The following ABHD17C variants were observed in gnomAD, a reference collection of about 807,000 sequenced individuals.
ABHD17C encodes the protein abhydrolase domain containing 17C, depalmitoylase.
A neutral mutation model predicts 27.9 loss-of-function variants in ABHD17C; 11 were observed. The ratio of observed to expected loss-of-function variants is 0.39; its 90% CI spans 0.25 to 0.65. ABHD17C has a LOEUF of 0.65. Ranked by LOEUF, ABHD17C falls within the 30% of genes least tolerant of loss-of-function variation. The pLI is 0.45. For missense variants in ABHD17C, 280 were observed against 470.2 expected, an observed-to-expected ratio of 0.60 and a Z score of 3.74; for synonymous variants, 233 against 209.1, an observed-to-expected ratio of 1.11 and a Z score of -0.98.
intron 1 of ABHD17C, among the ~76,000 whole-genome samples, chr15:80,742,145 T>C (rs1193328761): frequency 6.6e-6 from 1 of 152,124 alleles, no homozygotes; most frequent in African/African-American, 2.4e-5. Flanking sequence ...TGTATATACA[T>C]ATATAAGAGG....
chr15:80,748,219 A>G (rs1895316566), intron 1 of ABHD17C, among the ~76,000 whole-genome samples: 1 of 152,190 alleles, frequency 6.6e-6, no homozygotes, highest in Non-Finnish European at 1.5e-5. Flanking sequence ...TGCCATTTCC[A>G]TCAGCTGTGG....
chr15:80,726,449 C>T (rs187244458), intron 1 of ABHD17C, among the ~76,000 whole-genome samples: 1 of 150,692 alleles, frequency 6.6e-6, no homozygotes, highest in South Asian at 2.1e-4. Flanking sequence ...GTTTTTTTCC[C>T]TCCAGTTTCA....
At chr15:80,699,699 G>A in intron 1 of ABHD17C, among the ~76,000 whole-genome samples, 1 of 152,220 alleles carries the variant, frequency 6.6e-6, no homozygotes, top group East Asian at 1.9e-4. Context: ...TGAGTATTAA[G>A]GTGGGCACGT....
rs1304179421 is a variant in ABHD17C at position 80,695,350 on chromosome 15, G to C, written c.-80G>C. The C allele has an allele frequency of 3.0e-6, 3 of 989,112 alleles. No individual in the cohort carries two copies. Among genetic ancestry groups the C allele is most frequent in the Admixed American group, 5.3e-5 (1 of 18,890 alleles). The allele number at this position is 989,112 out of a possible 1,614,324, so 61.3% of individuals were successfully genotyped here. On this transcript the variant is annotated 5_prime_UTR_variant, in exon 1 of 3. Transcript: ENST00000258884. This position sits in a 1 kb window ranked among gnomAD's most constrained non-coding sequence, Gnocchi z 4.3. ...TCCGCGCTCGCCTGCCAGCTCCCTC[G>C]CCGCGCGTCCGTCCTCCGTCCTCCC... is the stretch of plus-strand genomic sequence containing the variant.
chr15:80,695,744 C>A lies in ABHD17C; in HGVS notation c.315C>A (p.Asp105Glu). Residue 105 changes from aspartate (D) to glutamate (E), a missense_variant, in exon 1 of 3, where the codon GAC (aspartate) becomes GAA (glutamate). By Grantham distance (45) the Asp-to-Glu change is conservative (BLOSUM62 2). This residue lies in a region of ABHD17C where 206 missense variants were observed against 394.7 expected (regional missense o/e 0.52). Coordinates refer to ENST00000258884, the MANE Select transcript of ABHD17C (RefSeq NM_021214.2). This position sits in a 1 kb window ranked among gnomAD's most constrained non-coding sequence, Gnocchi z 4.3. ...GGCAGTACTCGCAGCGCGAGCTGGA[C>A]GCCGTCGAGGTCTTCTTCTCGCGCA... The part of the protein sequence containing the change: ...ADWQYSQREL[D>E]AVEVFFSRTA... 1 of 1,535,090 alleles carries A rather than the reference C, an allele frequency of 6.5e-7. No individual in the cohort carries two copies. Among genetic ancestry groups the A allele is most frequent in the Non-Finnish European group, 8.7e-7 (1 of 1,146,782 alleles).
chr15:80,741,526 G>T (rs182936592), intron 1 of ABHD17C, among the ~76,000 whole-genome samples: 1 of 148,438 alleles, frequency 6.7e-6, no homozygotes, highest in East Asian at 1.9e-4. Context: ...AATTTCACAG[G>T]TAGAAGATTT....
At chr15:80,709,476 G>A (rs1399276442) in intron 1 of ABHD17C, among the ~76,000 whole-genome samples, 5 of 144,300 alleles carry the variant, frequency 3.5e-5, no homozygotes, top group South Asian at 2.2e-4. Context: ...GCAACAAAGC[G>A]AGACTCTGTC....
chr15:80,709,074 T>G (rs1027146294), intron 1 of ABHD17C, among the ~76,000 whole-genome samples: 1 of 152,180 alleles, frequency 6.6e-6, no homozygotes, highest in Non-Finnish European at 1.5e-5. Context: ...GGAGCAGTAA[T>G]AGTCACTGGG....
intron 1 of ABHD17C, among the ~76,000 whole-genome samples, chr15:80,744,111 CCT>C (rs1427489561): frequency 4.0e-5 from 6 of 150,896 alleles, no homozygotes; most frequent in Admixed American, 1.3e-4. Context: ...TTTTTTCCCC[CCT>C]CTGTCTTTTA....
intron 1 of ABHD17C, among the ~76,000 whole-genome samples, chr15:80,722,019 T>C (rs941710197): frequency 6.6e-6 from 1 of 152,198 alleles, no homozygotes; most frequent in Non-Finnish European, 1.5e-5. Context: ...AGTTGCATGC[T>C]AATTTTGAGT....
At chr15:80,707,791 G>A (rs866760970) in intron 1 of ABHD17C, among the ~76,000 whole-genome samples, 1 of 152,098 alleles carries the variant, frequency 6.6e-6, no homozygotes, top group African/African-American at 2.4e-5. Context: ...TCTACAGCTC[G>A]GCGTGTCAAA....
rs143461496 is a variant in ABHD17C at position 80,727,735 on chromosome 15, C to T, written c.591-21778C>T. Among the ~76,000 whole-genome samples the T allele has an allele frequency of 1.3e-3, 198 of 152,146 alleles. 2 individuals are homozygous for T. The Middle Eastern group carries it at 0.02, about 16-fold the overall frequency. ...CCAGTCGGGTGACATGTGTGCTGTTCTTTGGCCTGATTGCTGCTGCACCAT... is the reference window on the plus strand; with the variant it reads ...CCAGTCGGGTGACATGTGTGCTGTTTTTTGGCCTGATTGCTGCTGCACCAT... On this transcript the variant is annotated intron_variant, in intron 1 of 2. Coordinates refer to ENST00000258884, the MANE Select transcript of ABHD17C (RefSeq NM_021214.2).
chr15:80,727,269 A>T (rs1244454207), intron 1 of ABHD17C, among the ~76,000 whole-genome samples: 1 of 152,152 alleles, frequency 6.6e-6, no homozygotes, highest in Non-Finnish European at 1.5e-5. Flanking sequence ...ATTTAAGCAG[A>T]GATTGAGGGC....
chr15:80,741,042 C>G (rs917080915), intron 1 of ABHD17C, among the ~76,000 whole-genome samples: 1 of 152,150 alleles, frequency 6.6e-6, no homozygotes, highest in African/African-American at 2.4e-5. Flanking sequence ...AGCTTGTACC[C>G]TGCCTGGTCT....
At chr15:80,704,191 A>G (rs573247884) in intron 1 of ABHD17C, among the ~76,000 whole-genome samples, 2 of 152,270 alleles carry the variant, frequency 1.3e-5, no homozygotes, top group African/African-American at 4.8e-5. Flanking sequence ...AAGAAACCAC[A>G]TTCGTATTTG....
chr15:80,698,825 C>T (rs1176816343), intron 1 of ABHD17C, among the ~76,000 whole-genome samples: 4 of 152,250 alleles, frequency 2.6e-5, no homozygotes, highest in Non-Finnish European at 5.9e-5. Context: ...CACCAGCCAT[C>T]CCCCATGTCT....
chr15:80,722,445 A>T (rs1894909776), intron 1 of ABHD17C, among the ~76,000 whole-genome samples: 1 of 152,044 alleles, frequency 6.6e-6, no homozygotes, highest in African/African-American at 2.4e-5. Flanking sequence ...TAATATATAC[A>T]ACTTGATGTA....
chr15:80,741,257 G>T (rs1021116065), intron 1 of ABHD17C, among the ~76,000 whole-genome samples: 2 of 151,748 alleles, frequency 1.3e-5, no homozygotes, highest in African/African-American at 4.8e-5. Context: ...CCCAGCAGCT[G>T]TTTTTTTAAT....
chr15:80,749,796 C>T (rs1023372140), intron 2 of ABHD17C, 104 bp downstream of exon 2: 64 of 1,352,182 alleles, frequency 4.7e-5, no homozygotes, highest in South Asian at 4.2e-4. Context: ...TGCAGCCATA[C>T]GTCAGACCCT....
Sources: gnomAD v4.1 joint callset for allele counts (sites outside exome capture counted in the v4.1 genomes callset) on GRCh38, gnomAD v4.1.1 for gene constraint, gnomAD v4.1.1 regional missense constraint, Gnocchi (gnomAD v3.1) non-coding constraint, MANE v1.5 for transcripts, NCBI Gene and HGNC (gene_info 2026-07-23, HGNC 2026-07-21) for gene names.